MSTO1: variants seen among roughly 807,000 people sequenced by gnomAD.
The protein encoded by MSTO1 is misato mitochondrial distribution and morphology regulator 1.
In MSTO1, 24 loss-of-function variants were observed where a neutral mutation model predicts 55.7. That is an observed-to-expected ratio of 0.43 (90% CI 0.31 to 0.61). The LOEUF (loss-of-function observed/expected upper bound fraction) is 0.61, where lower values mean the gene tolerates loss of function less well. Ranked by LOEUF, MSTO1 falls within the 20% of genes least tolerant of loss-of-function variation. The probability of loss-of-function intolerance (pLI) is 0.09; values close to 1 mark genes in which losing one functional copy is unlikely to be tolerated. For synonymous variants in MSTO1, 162 were observed against 252.8 expected, an observed-to-expected ratio of 0.64 and a Z score of 3.41; for missense variants, 363 against 625.7, an observed-to-expected ratio of 0.58 and a Z score of 4.48.
At chr1:155,583,318 T>C in the MSTO1 span, among the ~76,000 whole-genome samples, 1 of 150,358 alleles carries the variant, frequency 6.7e-6, no homozygotes, top group Non-Finnish European at 1.5e-5. Flanking sequence ...GGCAGGAAGA[T>C]CACTTGAGGC....
chr1:155,587,819 T>C, the MSTO1 span, among the ~76,000 whole-genome samples: 1 of 151,348 alleles, frequency 6.6e-6, no homozygotes, highest in African/African-American at 2.4e-5. Context: ...TATTTTTCCA[T>C]AACACATAAC....
chr1:155,597,873 G>A, the MSTO1 span, among the ~76,000 whole-genome samples: 5 of 149,962 alleles, frequency 3.3e-5, no homozygotes, highest in African/African-American at 4.9e-5. Context: ...CTGGAGTGCC[G>A]TGGCGCGATC....
At chr1:155,565,237 G>C in the MSTO1 span, among the ~76,000 whole-genome samples, 44 of 151,234 alleles carry the variant, frequency 2.9e-4, no homozygotes, top group Admixed American at 1.4e-3. Flanking sequence ...AGAGGTTGCA[G>C]TGAGTCGAGA....
chr1:155,564,222 G>A, the MSTO1 span, among the ~76,000 whole-genome samples: 1 of 152,360 alleles, frequency 6.6e-6, no homozygotes, highest in African/African-American at 2.4e-5. Flanking sequence ...GGCCGGGCGC[G>A]GTGGCTAACG....
At chr1:155,612,739 C>G in intron 9 of MSTO1, 105 bp from the exon 10 acceptor site, 1 of 1,474,854 alleles carries the variant, frequency 6.8e-7, no homozygotes, top group Non-Finnish European at 9.3e-7. Flanking sequence ...TGGGGTCAAA[C>G]ATACCCCTGA....
At chr1:155,584,086 A>G in the MSTO1 span, among the ~76,000 whole-genome samples, 1 of 152,094 alleles carries the variant, frequency 6.6e-6, no homozygotes, top group African/African-American at 2.4e-5. Context: ...ATTAAGTAGT[A>G]TGGCTGTGCA....
At position 155,612,451 on chromosome 1, in the gene MSTO1, A is replaced by G. The variant is rs1257261823; in HGVS notation, c.847A>G (p.Thr283Ala). 1 of 1,614,032 alleles carries G rather than the reference A, an allele frequency of 6.2e-7. No individual in the cohort carries two copies. Among genetic ancestry groups the G allele is most frequent in the South Asian group, 1.1e-5 (1 of 91,082 alleles). The stretch of plus-strand genomic sequence containing the variant: ...GAGAAACATCTATCGTCTATTAAAC[A>G]CAGCTTTTGGTCTCGTGCACCTGAC... ...AQRNIYRLLN[T>A]AFGLVHLTAH... The change falls in exon 9 of 14, where the codon ACA becomes GCA. Residue 283 changes from threonine to alanine, a missense_variant. This residue lies in a region of MSTO1 where 231 missense variants were observed against 286.9 expected (regional missense o/e 0.81). Coordinates refer to ENST00000245564, the MANE Select transcript of MSTO1 (RefSeq NM_018116.4).
the MSTO1 span, among the ~76,000 whole-genome samples, chr1:155,589,381 G>GT: frequency 7.6e-4 from 112 of 146,562 alleles, no homozygotes; most frequent in Non-Finnish European, 1.0e-3. Context: ...AAGTTTTGGT[G>GT]TTTTTTTTTT....
the MSTO1 span, among the ~76,000 whole-genome samples, chr1:155,574,936 G>C: frequency 6.9e-6 from 1 of 143,896 alleles, no homozygotes; most frequent in African/African-American, 2.6e-5. Flanking sequence ...GCACTATTTC[G>C]GCTCACTGCA....
At chr1:155,574,951 C>T in the MSTO1 span, among the ~76,000 whole-genome samples, 1 of 150,778 alleles carries the variant, frequency 6.6e-6, no homozygotes, top group Non-Finnish European at 1.5e-5. Flanking sequence ...ACTGCAACCT[C>T]CACCTCCCGG....
the MSTO1 span, among the ~76,000 whole-genome samples, chr1:155,577,619 T>G: frequency 6.6e-6 from 1 of 152,244 alleles, no homozygotes; most frequent in Non-Finnish European, 1.5e-5. Context: ...CCAGACTATC[T>G]TGATTACTGT....
upstream of MSTO1, among the ~76,000 whole-genome samples, chr1:155,605,600 G>A (rs1354436055): frequency 6.6e-6 from 1 of 152,122 alleles, no homozygotes; most frequent in Non-Finnish European, 1.5e-5. Flanking sequence ...CCTGGAGTTC[G>A]TGACCAGCTT....
chr1:155,604,355 A>G, the MSTO1 span, among the ~76,000 whole-genome samples: 7 of 152,244 alleles, frequency 4.6e-5, no homozygotes, highest in African/African-American at 1.4e-4. Flanking sequence ...TATATTTCAA[A>G]GAATTTAAAT....
the MSTO1 span, among the ~76,000 whole-genome samples, chr1:155,585,717 CAT>C: frequency 1.8e-4 from 27 of 152,122 alleles, no homozygotes; most frequent in South Asian, 2.3e-3. Flanking sequence ...ATATAATACA[CAT>C]GTTATAAAAA....
chr1:155,587,356 G>A, the MSTO1 span, among the ~76,000 whole-genome samples: 1 of 143,780 alleles, frequency 7.0e-6, no homozygotes, highest in Non-Finnish European at 1.5e-5. Flanking sequence ...AGGAGAATCC[G>A]TTCAACCCGG....
At chr1:155,604,973 A>G in the MSTO1 span, among the ~76,000 whole-genome samples, 3 of 149,594 alleles carry the variant, frequency 2.0e-5, no homozygotes, top group Admixed American at 6.7e-5. Context: ...AAAACAGACA[A>G]TATTGGGCTG....
upstream of MSTO1, among the ~76,000 whole-genome samples, chr1:155,608,967 G>A (rs1673155594): frequency 6.6e-6 from 1 of 150,582 alleles, no homozygotes; most frequent in Non-Finnish European, 1.5e-5. Context: ...GGGAGTACAA[G>A]GGCCCGCCAC....
chr1:155,591,291 G>A, the MSTO1 span: 3 of 1,512,920 alleles, frequency 2.0e-6, no homozygotes, highest in East Asian at 4.6e-5. Flanking sequence ...GCACTGCGAA[G>A]GAGATATGCG....
At chr1:155,598,998 C>T in the MSTO1 span, 8 of 781,788 alleles carry the variant, frequency 1.0e-5, no homozygotes, top group South Asian at 4.9e-5. Context: ...AATTTTCTAA[C>T]GGGGATCTGA....
Sources: allele counts gnomAD v4.1 joint callset (sites outside exome capture counted in the v4.1 genomes callset), GRCh38; gene constraint gnomAD v4.1.1; regional missense constraint gnomAD v4.1.1; transcripts MANE v1.5; gene names NCBI Gene and HGNC (gene_info 2026-07-23, HGNC 2026-07-21).